HECW1: variants seen among roughly 807,000 people sequenced by gnomAD.
HECW1 encodes E3 ubiquitin-protein ligase HECW1.
Under a neutral mutation model 182.3 loss-of-function variants are expected in HECW1, and 61 were observed. The observed-to-expected ratio is 0.33, with a 90% confidence interval of 0.27 to 0.41. The LOEUF (loss-of-function observed/expected upper bound fraction) is 0.41, where lower values mean the gene tolerates loss of function less well. HECW1 is among the 10% of genes least tolerant of loss of function. The pLI is 1.00. For missense variants in HECW1, 1,739 were observed against 2,108.9 expected (o/e 0.82, Z 3.44); for synonymous variants, 859 against 832.6 (o/e 1.03, Z -0.55).
chr7:43,418,365 A>G (rs1584840221), intron 8 of HECW1, among the ~76,000 whole-genome samples: 1 of 152,212 alleles, frequency 6.6e-6, no homozygotes, highest in African/African-American at 2.4e-5. Flanking sequence ...GAACTTCTTG[A>G]AGCTATAAGT....
intron 3 of HECW1, among the ~76,000 whole-genome samples, chr7:43,250,394 G>A (rs1255184731): frequency 6.6e-6 from 1 of 152,154 alleles, no homozygotes; most frequent in Non-Finnish European, 1.5e-5. Flanking sequence ...AGCGCCTACT[G>A]TGTACCAGAT....
intron 3 of HECW1, among the ~76,000 whole-genome samples, chr7:43,298,618 T>G (rs1413469910): frequency 1.3e-5 from 2 of 152,258 alleles, no homozygotes; most frequent in Non-Finnish European, 2.9e-5. Flanking sequence ...TAAGACTCAG[T>G]AGCATGTACC....
At chr7:43,507,685 C>T (rs2079643724) in intron 22 of HECW1, among the ~76,000 whole-genome samples, 1 of 152,100 alleles carries the variant, frequency 6.6e-6, no homozygotes, top group Non-Finnish European at 1.5e-5. Flanking sequence ...TATATTTTCC[C>T]TTCTGGGTTT....
At chr7:43,319,250 G>A (rs1478733726) in intron 4 of HECW1, among the ~76,000 whole-genome samples, 1 of 151,332 alleles carries the variant, frequency 6.6e-6, no homozygotes, top group Admixed American at 6.6e-5. Context: ...AGCCGGGCGC[G>A]GTGGCGGGCG....
intron 2 of HECW1, among the ~76,000 whole-genome samples, chr7:43,221,570 TTTTTTTTTTG>T (rs1796971702): frequency 1.5e-5 from 1 of 68,430 alleles, no homozygotes; most frequent in African/African-American, 8.3e-5. Flanking sequence ...TTTTTTTTTT[TTTTTTTTTTG>T]GGACAGCCTG....
intron 5 of HECW1, among the ~76,000 whole-genome samples, chr7:43,336,124 T>TTCTTTCTCTCTCTCTCTCTCTCTC (rs1313057919): frequency 2.6e-4 from 17 of 64,302 alleles, no homozygotes; most frequent in African/African-American, 1.2e-3. Context: ...CTTTCTTTCT[T>TTCTTTCTCTCTCTCTCTCTCTCTC]TCTCTCTCTC....
chr7:43,366,679 A>G (rs999339105), intron 6 of HECW1, among the ~76,000 whole-genome samples: 1 of 152,184 alleles, frequency 6.6e-6, no homozygotes, highest in African/African-American at 2.4e-5. Flanking sequence ...GGTTCCAATA[A>G]ACATCAATCA....
intron 8 of HECW1, among the ~76,000 whole-genome samples, chr7:43,412,870 T>G (rs913702419): frequency 4.0e-5 from 6 of 149,548 alleles, no homozygotes; most frequent in Non-Finnish European, 7.5e-5. Flanking sequence ...ACATTTGGGT[T>G]GGTTCCAAGT....
intron 2 of HECW1, among the ~76,000 whole-genome samples, chr7:43,202,379 C>T (rs1054743697): frequency 2.6e-5 from 4 of 151,846 alleles, no homozygotes; most frequent in African/African-American, 9.7e-5. Context: ...AGTTGCAGAA[C>T]CAAAAAGAAA....
At chr7:43,382,269 G>T (rs887904748) in intron 6 of HECW1, among the ~76,000 whole-genome samples, 2 of 151,204 alleles carry the variant, frequency 1.3e-5, no homozygotes, top group Non-Finnish European at 2.9e-5. Context: ...CTGGGCGACA[G>T]AGCGAGACTC....
At chr7:43,298,240 A>G (rs1332566221) in intron 3 of HECW1, among the ~76,000 whole-genome samples, 1 of 152,164 alleles carries the variant, frequency 6.6e-6, no homozygotes, top group Non-Finnish European at 1.5e-5. Flanking sequence ...CATTTTGGCA[A>G]TTAGGTATGG....
chr7:43,223,562 C>G (rs528328660), intron 2 of HECW1, among the ~76,000 whole-genome samples: 7 of 151,726 alleles, frequency 4.6e-5, no homozygotes, highest in African/African-American at 1.7e-4. Context: ...GAAGTTGAAG[C>G]GAGCTGAGAT....
intron 2 of HECW1, chr7:43,121,744 C>T (rs1785644441): frequency 6.6e-6 from 1 of 152,168 alleles, no homozygotes; most frequent in South Asian, 2.1e-4. Context: ...TATCTCCCTA[C>T]AGAATTCTCC....
At chr7:43,409,068 A>G (rs150599871) in intron 8 of HECW1, among the ~76,000 whole-genome samples, 163 of 152,336 alleles carry the variant, frequency 1.1e-3, no homozygotes, top group African/African-American at 3.7e-3. Flanking sequence ...TGACAAGAAA[A>G]CATAATTAGA....
intron 17 of HECW1, chr7:43,484,107 G>A (rs1214372534): frequency 6.6e-6 from 1 of 152,290 alleles, no homozygotes; most frequent in Non-Finnish European, 1.5e-5. Context: ...CCACAGAGGA[G>A]CTGAGTATCA....
intron 3 of HECW1, among the ~76,000 whole-genome samples, chr7:43,261,941 T>C (rs1801219609): frequency 6.6e-6 from 1 of 152,074 alleles, no homozygotes; most frequent in South Asian, 2.1e-4. Context: ...ACAAACCTGG[T>C]CCAGTGCAGT....
intron 3 of HECW1, among the ~76,000 whole-genome samples, chr7:43,284,488 G>A (rs1236047921): frequency 1.8e-5 from 2 of 114,234 alleles, no homozygotes; most frequent in African/African-American, 7.0e-5. Flanking sequence ...GCAACAAAGT[G>A]AGACCCATTT....
At chr7:43,456,918 C>T (rs1389734209) in intron 13 of HECW1, among the ~76,000 whole-genome samples, 2 of 152,158 alleles carry the variant, frequency 1.3e-5, no homozygotes, top group Non-Finnish European at 2.9e-5. Flanking sequence ...CTAAAAGCTG[C>T]TTGGAGAATA....
Position 43,564,728 on chromosome 7 carries a change from T to A in HECW1, c.*2802T>A. 5.6e-6 allele frequency: 1 copy of A among 180,102 alleles called. No individual in the cohort carries two copies. The highest frequency in any genetic ancestry group is 2.1e-3 in the Middle Eastern group (1 of 470). 11.2% of individuals were successfully genotyped at this position (180,102 alleles called of 1,614,324 possible). On this transcript the variant is annotated 3_prime_UTR_variant, in exon 30 of 30. Coordinates refer to ENST00000395891, the MANE Select transcript of HECW1 (RefSeq NM_015052.5). ...TTATGGAAATTCATGTTTACCTTATTTATAAGGCTGATTTTTAAATTATAT... is the reference window on the plus strand; with the variant it reads ...TTATGGAAATTCATGTTTACCTTATATATAAGGCTGATTTTTAAATTATAT...
Sources: gnomAD v4.1 joint callset for allele counts (sites outside exome capture counted in the v4.1 genomes callset) on GRCh38, gnomAD v4.1.1 for gene constraint, MANE v1.5 for transcripts, NCBI Gene and HGNC (gene_info 2026-07-23, HGNC 2026-07-21) for gene names.